TOX: variants seen among roughly 807,000 people sequenced by gnomAD.
TOX encodes the protein thymocyte selection associated high mobility group box.
TOX carries 11 observed loss-of-function variants against 53.7 expected under a neutral mutation model. The ratio of observed to expected loss-of-function variants is 0.20; its 90% CI spans 0.13 to 0.34. TOX has a LOEUF of 0.34. Ranked by LOEUF, TOX falls within the 10% of genes least tolerant of loss-of-function variation. The probability of loss-of-function intolerance (pLI) is 1.00; values close to 1 mark genes in which losing one functional copy is unlikely to be tolerated. For synonymous variants in TOX, 225 were observed against 245.3 expected, an observed-to-expected ratio of 0.92 and a Z score of 0.77; for missense variants, 570 against 664.6, an observed-to-expected ratio of 0.86 and a Z score of 1.56.
intron 1 of TOX, among the ~76,000 whole-genome samples, chr8:58,964,945 A>T (rs991043598): frequency 7.9e-5 from 12 of 151,914 alleles, no homozygotes; most frequent in African/African-American, 2.9e-4. Flanking sequence ...TAATGACCCC[A>T]CTTCACTCTA....
intron 1 of TOX, among the ~76,000 whole-genome samples, chr8:59,088,783 T>G (rs1020602704): frequency 1.3e-5 from 2 of 152,160 alleles, no homozygotes; most frequent in Non-Finnish European, 2.9e-5. Flanking sequence ...TCACAGACAA[T>G]GCATCACTGC....
chr8:59,068,959 G>A (rs945295235), intron 1 of TOX, among the ~76,000 whole-genome samples: 1 of 152,174 alleles, frequency 6.6e-6, no homozygotes, highest in Admixed American at 6.5e-5. Context: ...GCAGGGAGGG[G>A]CATCTGAGTC....
chr8:59,058,887 AAC>A (rs1803930761), intron 1 of TOX, among the ~76,000 whole-genome samples: 2 of 152,230 alleles, frequency 1.3e-5, no homozygotes, highest in Non-Finnish European at 2.9e-5. Context: ...GAAGAAAGTT[AAC>A]ACAGCCCAGG....
At position 58,851,195 on chromosome 8, in the gene TOX, A is replaced by C. The variant is rs867089652; in HGVS notation, c.693+329T>G. Among the ~76,000 whole-genome samples, 1 of 136,618 alleles carries C rather than the reference A, an allele frequency of 7.3e-6. No homozygotes were observed. Among genetic ancestry groups the C allele is most frequent in the African/African-American group, 2.8e-5 (1 of 36,138 alleles). The allele number at this position is 136,618 out of a possible 152,430, so 89.6% of individuals were successfully genotyped here. A position where few individuals can be genotyped will look rare whatever the true frequency, so the allele number is the denominator to read the frequency against. ...CTCTCTCTCTCTCTCTCACACACAC[A>C]CACACACACACACACACGACCTTCA... On this transcript the variant is annotated intron_variant, in intron 4 of 8. Coordinates refer to ENST00000361421, the MANE Select transcript of TOX (RefSeq NM_014729.3). This position sits in a 1 kb window ranked among gnomAD's most constrained non-coding sequence, Gnocchi z 4.4.
intron 1 of TOX, among the ~76,000 whole-genome samples, chr8:59,097,623 A>C (rs1302615622): frequency 6.6e-6 from 1 of 152,216 alleles, no homozygotes; most frequent in Non-Finnish European, 1.5e-5. Context: ...AGTTAGTGGA[A>C]AAATCCATCT....
At chr8:58,923,856 G>A (rs184031456) in intron 3 of TOX, among the ~76,000 whole-genome samples, 2 of 152,246 alleles carry the variant, frequency 1.3e-5, no homozygotes, top group Admixed American at 1.3e-4. Context: ...GACTCTCACA[G>A]CTGTGTTGGT....
chr8:58,987,197 T>G (rs1268027869), intron 1 of TOX, among the ~76,000 whole-genome samples: 4 of 152,164 alleles, frequency 2.6e-5, no homozygotes, highest in Non-Finnish European at 4.4e-5. Context: ...CGATTTTCCC[T>G]TAGTGTTCCA....
At chr8:59,111,250 A>G (rs1805012453) in intron 1 of TOX, among the ~76,000 whole-genome samples, 2 of 152,238 alleles carry the variant, frequency 1.3e-5, no homozygotes, top group African/African-American at 4.8e-5. Flanking sequence ...TATTCAACAT[A>G]ATGGAGTCTT....
chr8:59,102,007 G>T (rs893146071), intron 1 of TOX, among the ~76,000 whole-genome samples: 1 of 152,160 alleles, frequency 6.6e-6, no homozygotes, highest in Non-Finnish European at 1.5e-5. Context: ...GTGGGAGAGT[G>T]GTAGTGAAAG....
At chr8:58,977,942 G>A (rs1303002955) in intron 1 of TOX, among the ~76,000 whole-genome samples, 1 of 152,142 alleles carries the variant, frequency 6.6e-6, no homozygotes. Flanking sequence ...ACAGAGACCA[G>A]AGTGAGCACA....
chr8:58,826,788 C>T, intron 6 of TOX, 34 bp downstream of exon 6: 4 of 1,570,940 alleles, frequency 2.5e-6, no homozygotes, highest in Non-Finnish European at 3.5e-6. Context: ...GAGATGGCCA[C>T]AATCCTTCAC....
chr8:58,958,561 T>C (rs1812748628), intron 2 of TOX, among the ~76,000 whole-genome samples: 1 of 152,220 alleles, frequency 6.6e-6, no homozygotes, highest in Non-Finnish European at 1.5e-5. Context: ...AGAAAATTAA[T>C]AGTAACATTT....
At chr8:59,085,253 C>T (rs1463725659) in intron 1 of TOX, among the ~76,000 whole-genome samples, 1 of 152,154 alleles carries the variant, frequency 6.6e-6, no homozygotes, top group Non-Finnish European at 1.5e-5. Context: ...TTTTTAGCTA[C>T]CAGCAACTGA....
chr8:58,907,088 C>T (rs915957357), intron 3 of TOX, among the ~76,000 whole-genome samples: 2 of 152,168 alleles, frequency 1.3e-5, no homozygotes, highest in Non-Finnish European at 2.9e-5. Context: ...AAAGATCAGT[C>T]GATTGATTTC....
At chr8:59,115,434 T>G (rs990122345) in intron 1 of TOX, among the ~76,000 whole-genome samples, 1 of 152,202 alleles carries the variant, frequency 6.6e-6, no homozygotes, top group African/African-American at 2.4e-5. Context: ...AGGTATATAT[T>G]TAAACTGATG....
intron 6 of TOX, among the ~76,000 whole-genome samples, chr8:58,818,999 T>C (rs1381149750): frequency 2.0e-5 from 3 of 152,256 alleles, no homozygotes; most frequent in African/African-American, 7.2e-5. Context: ...TCATTAATTA[T>C]TAAGCAGTCT....
chr8:59,052,550 C>T (rs991872674), intron 1 of TOX, among the ~76,000 whole-genome samples: 1 of 152,150 alleles, frequency 6.6e-6, no homozygotes, highest in East Asian at 1.9e-4. Flanking sequence ...ATCTCAATTT[C>T]TCCATTTACC....
chr8:58,853,563 T>TA (rs1261013106), intron 3 of TOX, among the ~76,000 whole-genome samples: 2 of 152,154 alleles, frequency 1.3e-5, no homozygotes. Context: ...AAACCAAAGA[T>TA]AAAACCCACC....
intron 1 of TOX, among the ~76,000 whole-genome samples, chr8:59,061,779 C>A (rs1391847873): frequency 6.6e-6 from 1 of 151,930 alleles, no homozygotes; most frequent in Non-Finnish European, 1.5e-5. Context: ...TCTTGGAGAT[C>A]ACCATGGAAG....
Sources: gnomAD v4.1 joint callset for allele counts (sites outside exome capture counted in the v4.1 genomes callset) on GRCh38, gnomAD v4.1.1 for gene constraint, Gnocchi (gnomAD v3.1) non-coding constraint, MANE v1.5 for transcripts, NCBI Gene and HGNC (gene_info 2026-07-23, HGNC 2026-07-21) for gene names.